Variants in KCNK2 observed in about 807,000 individuals in gnomAD.
The protein encoded by KCNK2 is potassium channel subfamily K member 2.
A neutral mutation model predicts 40.5 loss-of-function variants in KCNK2; 21 were observed. That is an observed-to-expected ratio of 0.52 (90% CI 0.37 to 0.75). The LOEUF is 0.75. Among genes scored for constraint, KCNK2 ranks in the 30% least tolerant of loss-of-function variants. The probability of loss-of-function intolerance (pLI) is 0.00; values close to 1 mark genes in which losing one functional copy is unlikely to be tolerated. For missense variants in KCNK2, 399 were observed against 531.6 expected, an observed-to-expected ratio of 0.75 and a Z score of 2.45; for synonymous variants, 191 against 202.2, an observed-to-expected ratio of 0.94 and a Z score of 0.47.
chr1:215,028,134 C>T (rs572980230), intron 1 of KCNK2, among the ~76,000 whole-genome samples: 1 of 152,290 alleles, frequency 6.6e-6, no homozygotes, highest in African/African-American at 2.4e-5. Context: ...CGCCTGTAAT[C>T]CCAACACTTT....
Position 215,083,409 on chromosome 1 carries a change from G to A in KCNK2, c.24G>A (p.Glu8=), listed in dbSNP as rs1248274547. ...TCATGCTTCCCAGCGCCTCGCGGGA[G>A]AGACCCGGCTATAGAGCAGGAGGTG... MLPSASR[E]RPGYRAGVAA... The change falls in exon 1 of 7, where the codon GAG becomes GAA. Residue 8 remains glutamate, a synonymous_variant. Transcript: ENST00000444842. 1 of 1,613,832 alleles carries A rather than the reference G, an allele frequency of 6.2e-7. No homozygotes were observed. Among genetic ancestry groups the A allele is most frequent in the South Asian group, 1.1e-5 (1 of 91,062 alleles).
chr1:215,137,239 G>A (rs1462009594), intron 3 of KCNK2, among the ~76,000 whole-genome samples: 1 of 152,154 alleles, frequency 6.6e-6, no homozygotes, highest in African/African-American at 2.4e-5. Context: ...ATATCACGAT[G>A]ATAAAAACAT....
intron 1 of KCNK2, among the ~76,000 whole-genome samples, chr1:215,007,127 A>G (rs1242402732): frequency 3.2e-5 from 4 of 125,032 alleles, no homozygotes; most frequent in African/African-American, 1.0e-4. Flanking sequence ...ATATGTATAT[A>G]TATGTGTATA....
chr1:215,093,552 A>G (rs546943167), intron 2 of KCNK2, among the ~76,000 whole-genome samples: 3 of 109,152 alleles, frequency 2.7e-5, no homozygotes, highest in African/African-American at 1.1e-4. Context: ...ACTATATTGT[A>G]TATATAAGAT....
At chr1:215,058,262 C>A (rs1018771597) in intron 1 of KCNK2, among the ~76,000 whole-genome samples, 1 of 152,082 alleles carries the variant, frequency 6.6e-6, no homozygotes, top group Admixed American at 6.5e-5. Context: ...GACTTTTTCC[C>A]TCTTCCTTTT....
At chr1:215,054,691 A>G (rs1200030495) in intron 1 of KCNK2, among the ~76,000 whole-genome samples, 1 of 152,190 alleles carries the variant, frequency 6.6e-6, no homozygotes, top group Non-Finnish European at 1.5e-5. Context: ...AATGCAAACC[A>G]TGTAAATCTG....
chr1:215,158,345 T>C (rs1663022592), intron 3 of KCNK2, among the ~76,000 whole-genome samples: 1 of 152,166 alleles, frequency 6.6e-6, no homozygotes. Context: ...GTGATGTAAA[T>C]AGACTTCCTG....
At chr1:215,181,004 T>C (rs538493391) in intron 5 of KCNK2, among the ~76,000 whole-genome samples, 2 of 152,308 alleles carry the variant, frequency 1.3e-5, no homozygotes, top group South Asian at 4.1e-4. Context: ...AATAATTTTT[T>C]TAGATTTTGC....
chr1:215,093,365 A>C (rs1185799189), intron 2 of KCNK2, among the ~76,000 whole-genome samples: 1 of 140,522 alleles, frequency 7.1e-6, no homozygotes, highest in Non-Finnish European at 1.5e-5. Flanking sequence ...ATATACATAT[A>C]TTATATATAA....
At chr1:215,026,393 TATC>T (rs1657001032) in intron 1 of KCNK2, among the ~76,000 whole-genome samples, 1 of 152,032 alleles carries the variant, frequency 6.6e-6, no homozygotes, top group Non-Finnish European at 1.5e-5. Flanking sequence ...AAAACAGTAA[TATC>T]ATATTATTTT....
intron 3 of KCNK2, among the ~76,000 whole-genome samples, chr1:215,132,105 A>C (rs1291258149): frequency 1.3e-5 from 2 of 152,260 alleles, no homozygotes; most frequent in African/African-American, 4.8e-5. Context: ...TTGGAAATAC[A>C]GAAAGTATAC....
Position 215,118,846 on chromosome 1 carries a change from A to T in KCNK2, c.358-5787A>T, listed in dbSNP as rs540141033. Among the ~76,000 whole-genome samples the T allele has an allele frequency of 2.4e-4, 36 of 152,292 alleles. No individual in the cohort carries two copies. In the South Asian group the frequency reaches 3.7e-3, roughly 16 times the overall value. ...GTACCTGCAGTTCAGAATTTTCTTT[A>T]TCACTTAAAAGTGTTCAAATTATTA... On this transcript the variant is annotated intron_variant, in intron 2 of 6. Coordinates refer to ENST00000444842, the MANE Select transcript of KCNK2 (RefSeq NM_001017425.3).
intron 1 of KCNK2, among the ~76,000 whole-genome samples, chr1:215,032,849 C>T (rs1191136914): frequency 6.6e-6 from 1 of 151,810 alleles, no homozygotes; most frequent in Non-Finnish European, 1.5e-5. Context: ...AATAATATGC[C>T]TAGGTGTAGG....
rs1305765837 is a variant in KCNK2 at position 215,082,967 on chromosome 1, G to T, written c.-419G>T. On this transcript the variant is annotated 5_prime_UTR_variant, in exon 1 of 7. Coordinates refer to ENST00000444842, the MANE Select transcript of KCNK2 (RefSeq NM_001017425.3). ...CACCGCCCCCGCGCCGCGCCGTGCC[G>T]GGGCCGGGCCAGCGAGCAGCCCGGG... 6.8e-6 allele frequency among the ~76,000 whole-genome samples: 1 copy of T among 147,628 alleles called. No homozygotes were observed. Among genetic ancestry groups the T allele is most frequent in the African/African-American group, 2.4e-5 (1 of 40,830 alleles).
At chr1:215,152,098 A>G (rs890943814) in intron 3 of KCNK2, among the ~76,000 whole-genome samples, 1 of 152,148 alleles carries the variant, frequency 6.6e-6, no homozygotes, top group Non-Finnish European at 1.5e-5. Context: ...AGATCCTTGC[A>G]GAATTCCCTG....
intron 1 of KCNK2, among the ~76,000 whole-genome samples, chr1:215,028,327 G>A (rs1657067437): frequency 7.5e-6 from 1 of 132,688 alleles, no homozygotes; most frequent in African/African-American, 2.5e-5. Flanking sequence ...AGAGGTTGCA[G>A]TGAGCTGAGA....
intron 6 of KCNK2, among the ~76,000 whole-genome samples, chr1:215,227,726 A>G (rs1307068500): frequency 1.3e-5 from 2 of 152,170 alleles, no homozygotes; most frequent in East Asian, 3.9e-4. Context: ...AGTAATACAC[A>G]TGAGACAAAA....
intron 2 of KCNK2, among the ~76,000 whole-genome samples, chr1:215,119,327 C>T (rs552270092): frequency 2.0e-5 from 3 of 152,274 alleles, no homozygotes; most frequent in Admixed American, 6.5e-5. Context: ...GGCATTGAGA[C>T]AGCATTTACA....
At chr1:215,150,231 G>A (rs921339813) in intron 3 of KCNK2, among the ~76,000 whole-genome samples, 4 of 152,166 alleles carry the variant, frequency 2.6e-5, no homozygotes, top group African/African-American at 9.7e-5. Context: ...AGGGGGCATG[G>A]GAGAATGTGC....
Sources: allele counts gnomAD v4.1 joint callset (sites outside exome capture counted in the v4.1 genomes callset), GRCh38; gene constraint gnomAD v4.1.1; transcripts MANE v1.5; gene names NCBI Gene and HGNC (gene_info 2026-07-23, HGNC 2026-07-21).